Variants in RBFOX1 observed in about 807,000 individuals in gnomAD.
RBFOX1 encodes the protein RNA binding protein fox-1 homolog 1.
In RBFOX1, 8 loss-of-function variants were observed where a neutral mutation model predicts 57.7. That is an observed-to-expected ratio of 0.14 (90% CI 0.08 to 0.25). The LOEUF is 0.25. Ranked by LOEUF, RBFOX1 falls within the 10% of genes least tolerant of loss-of-function variation. RBFOX1 has a pLI of 1.00. For synonymous variants in RBFOX1, 326 were observed against 222.4 expected (o/e 1.47, Z -4.15); for missense variants, 611 against 548.5 (o/e 1.11, Z -1.14).
intron 2 of RBFOX1, among the ~76,000 whole-genome samples, chr16:6,431,457 G>T (rs2795546): frequency 1.3e-5 from 2 of 151,784 alleles, no homozygotes; most frequent in African/African-American, 4.8e-5. Flanking sequence ...CCCAGGAAGC[G>T]TCACGTGGTA....
chr16:5,905,329 A>G (rs1172349035), intron 4 of RBFOX1, among the ~76,000 whole-genome samples: 2 of 151,886 alleles, frequency 1.3e-5, no homozygotes, highest in African/African-American at 4.8e-5. Context: ...CTAGGATTCC[A>G]GGCATGAGCT....
intron 3 of RBFOX1, among the ~76,000 whole-genome samples, chr16:5,831,217 G>A (rs929923932): frequency 6.6e-6 from 1 of 152,040 alleles, no homozygotes; most frequent in Admixed American, 6.6e-5. Context: ...TTGGATCATG[G>A]GGGTGGATCC....
intron 3 of RBFOX1, among the ~76,000 whole-genome samples, chr16:7,035,717 T>C (rs1222419644): frequency 6.6e-6 from 1 of 152,222 alleles, no homozygotes; most frequent in East Asian, 1.9e-4. Context: ...TCCTTTTAAA[T>C]TGCTAGCAAT....
intron 2 of RBFOX1, among the ~76,000 whole-genome samples, chr16:6,519,302 T>C (rs1024850834): frequency 1.2e-4 from 18 of 152,178 alleles, no homozygotes; most frequent in African/African-American, 4.3e-4. Context: ...GGTGATACTA[T>C]TGTGTTGCAT....
At chr16:7,586,697 C>T (rs1351304175) in intron 6 of RBFOX1, among the ~76,000 whole-genome samples, 1 of 152,168 alleles carries the variant, frequency 6.6e-6, no homozygotes, top group Non-Finnish European at 1.5e-5. Context: ...AGAATTTCAG[C>T]CCAAGCACTG....
At chr16:6,206,267 G>C (rs1226171192) in intron 1 of RBFOX1, among the ~76,000 whole-genome samples, 3 of 152,000 alleles carry the variant, frequency 2.0e-5, no homozygotes, top group Non-Finnish European at 4.4e-5. Flanking sequence ...CGTTGTGTGT[G>C]CTGTTCCTGT....
At chr16:6,184,893 T>G (rs2097095337) in intron 1 of RBFOX1, among the ~76,000 whole-genome samples, 1 of 152,090 alleles carries the variant, frequency 6.6e-6, no homozygotes, top group Non-Finnish European at 1.5e-5. Context: ...GCTTGAGCAT[T>G]CAGAAAATTG....
intron 4 of RBFOX1, among the ~76,000 whole-genome samples, chr16:7,191,276 C>T (rs1323005219): frequency 1.3e-5 from 2 of 151,072 alleles, no homozygotes; most frequent in African/African-American, 2.4e-5. Context: ...AGTCATGGCA[C>T]ATCAGAAAGT....
At chr16:7,461,722 G>T (rs544701200) in intron 4 of RBFOX1, among the ~76,000 whole-genome samples, 1 of 152,310 alleles carries the variant, frequency 6.6e-6, no homozygotes, top group Non-Finnish European at 1.5e-5. Flanking sequence ...ACATCCAGCA[G>T]GAGAAAGCTG....
chr16:6,714,794 G>T (rs2064440936), intron 3 of RBFOX1, among the ~76,000 whole-genome samples: 1 of 152,148 alleles, frequency 6.6e-6, no homozygotes, highest in Admixed American at 6.5e-5. Context: ...GTTAGGAGGA[G>T]AAACTGGCTT....
intron 2 of RBFOX1, among the ~76,000 whole-genome samples, chr16:6,518,090 C>G (rs2096416529): frequency 6.6e-6 from 1 of 152,034 alleles, no homozygotes; most frequent in African/African-American, 2.4e-5. Flanking sequence ...TTCTTTTCAC[C>G]CCTAAATGTC....
chr16:7,393,708 C>T (rs2098086812), intron 4 of RBFOX1, among the ~76,000 whole-genome samples: 1 of 152,126 alleles, frequency 6.6e-6, no homozygotes, highest in Non-Finnish European at 1.5e-5. Flanking sequence ...CTTATCCCCA[C>T]CCCGTTTCAT....
At chr16:7,650,395 T>C (rs530393084) in intron 11 of RBFOX1, among the ~76,000 whole-genome samples, 2 of 151,990 alleles carry the variant, frequency 1.3e-5, no homozygotes, top group Admixed American at 6.5e-5. Flanking sequence ...CAGTCCTTCC[T>C]GTGTTCTTTT....
chr16:6,823,226 G>A (rs559156775), intron 3 of RBFOX1, among the ~76,000 whole-genome samples: 1 of 151,454 alleles, frequency 6.6e-6, no homozygotes, highest in Admixed American at 6.6e-5. Context: ...TGACCTCTTG[G>A]CCCATCTGAA....
At chr16:6,591,961 A>T (rs1011238305) in intron 2 of RBFOX1, among the ~76,000 whole-genome samples, 2 of 152,212 alleles carry the variant, frequency 1.3e-5, no homozygotes, top group African/African-American at 4.8e-5. Context: ...GTAATATTTG[A>T]TGGGTGTCTA....
intron 5 of RBFOX1, among the ~76,000 whole-genome samples, chr16:7,541,012 A>G (rs1184092579): frequency 6.6e-6 from 1 of 152,184 alleles, no homozygotes; most frequent in African/African-American, 2.4e-5. Flanking sequence ...TGAGAGACAC[A>G]TTAGATACCT....
chr16:7,111,130 A>T (rs1218367549), intron 4 of RBFOX1, among the ~76,000 whole-genome samples: 3 of 152,318 alleles, frequency 2.0e-5, no homozygotes, highest in African/African-American at 7.2e-5. Flanking sequence ...TTTCCTACAG[A>T]TGTTGTTGGA....
intron 5 of RBFOX1, among the ~76,000 whole-genome samples, chr16:7,568,882 CAAAA>C (rs34858992): frequency 2.6e-5 from 2 of 77,534 alleles, no homozygotes; most frequent in South Asian, 1.2e-3. Flanking sequence ...GACTCTGTCT[CAAAA>C]AAAAAAAAAA....
intron 3 of RBFOX1, among the ~76,000 whole-genome samples, chr16:6,860,291 A>T (rs555654112): frequency 9.8e-5 from 15 of 152,332 alleles, no homozygotes; most frequent in Non-Finnish European, 1.9e-4. Context: ...TTAATGTCTG[A>T]TGACTAAATG....
Sources: allele counts gnomAD v4.1 joint callset (sites outside exome capture counted in the v4.1 genomes callset), GRCh38; gene constraint gnomAD v4.1.1; transcripts MANE v1.5; gene names NCBI Gene and HGNC (gene_info 2026-07-23, HGNC 2026-07-21).